Variants in SLC16A3 observed in about 807,000 individuals in gnomAD.
SLC16A3 encodes monocarboxylate transporter 4.
In SLC16A3, 22 loss-of-function variants were observed where a neutral mutation model predicts 25.0. The ratio of observed to expected loss-of-function variants is 0.88; its 90% CI spans 0.63 to 1.26. SLC16A3 has a LOEUF of 1.26. Ranked by LOEUF, SLC16A3 falls within the 50% of genes most tolerant of loss-of-function variation. SLC16A3 has a pLI of 0.00. For synonymous variants in SLC16A3, 390 were observed against 309.2 expected (o/e 1.26, Z -2.74); for missense variants, 731 against 666.6 (o/e 1.10, Z -1.06).
chr17:82,222,572 G>A (rs1365083715), intron 1 of SLC16A3, among the ~76,000 whole-genome samples: 7 of 152,184 alleles, frequency 4.6e-5, no homozygotes, highest in Non-Finnish European at 1.5e-5. Context: ...GGGAGGTCGA[G>A]GCAGGCGCCT....
upstream of SLC16A3, among the ~76,000 whole-genome samples, chr17:82,227,621 CCACCTGCCCTGGGCG>C (rs2050433425): frequency 2.4e-4 from 7 of 29,014 alleles, no homozygotes; most frequent in African/African-American, 3.8e-4. Flanking sequence ...GGCGGGAGCA[CCACCTGCCCTGGGCG>C]GGAGCACCAC....
intron 2 of SLC16A3, 155 bp downstream of exon 2, chr17:82,236,386 A>G (rs1220741374): frequency 4.0e-6 from 3 of 741,368 alleles, no homozygotes; most frequent in Non-Finnish European, 6.6e-6. Context: ...GGGCAGCAAC[A>G]TGCTCTCCAC....
At chr17:82,232,453 G>A (rs12453290) in intron 1 of SLC16A3, 103,609 of 152,434 alleles carry the variant, frequency 0.68, 35,993 homozygotes, top group East Asian at 0.93. Flanking sequence ...GAGAGGTCCC[G>A]GAGGAGCGGG....
chr17:82,237,011 CGAGT>C, intron 3 of SLC16A3, 123 bp from the exon 4 acceptor site: 1 of 1,453,388 alleles, frequency 6.9e-7, no homozygotes, highest in Non-Finnish European at 9.2e-7. Context: ...GTCCCCCTCT[CGAGT>C]GGGTGGGTGG....
intron 3 of SLC16A3, 56 bp from the exon 4 acceptor site, chr17:82,237,082 G>C: frequency 6.8e-7 from 1 of 1,464,812 alleles, no homozygotes; most frequent in Non-Finnish European, 9.0e-7. Context: ...CAGAGATGAG[G>C]GTCTCGGGCT....
chr17:82,236,741 G>A lies in SLC16A3; in HGVS notation c.236G>A (p.Ser79Asn). The A allele has an allele frequency of 6.2e-7, 1 of 1,607,194 alleles. No individual in the cohort carries two copies. The highest frequency in any genetic ancestry group is 1.1e-5 in the South Asian group (1 of 91,074). ...CTGCCCTCTCCAGGTCCGCTCTGCA[G>A]TGTGTGCGTGAACCGCTTTGGCTGC... Reference protein sequence around the residue: ...AMLYGTGPLCSVCVNRFGCRP... With the variant: ...AMLYGTGPLCNVCVNRFGCRP... The change falls in exon 3 of 5, where the codon AGT (serine) becomes AAT (asparagine). Residue 79 changes from serine (S) to asparagine (N), a missense_variant. Ser to Asn is a conservative substitution (Grantham distance 46). Transcript: ENST00000582743.
chr17:82,239,729 G>A lies in SLC16A3; in HGVS notation c.*753G>A, dbSNP rs1189914180. On this transcript the variant is annotated 3_prime_UTR_variant, in exon 5 of 5. Transcript: ENST00000582743. ...ACGTGGTGGTTAGATGGGAGCTGAGGTGGAACAAGCCACTTTATTCACTGC... is the reference window on the plus strand; with the variant it reads ...ACGTGGTGGTTAGATGGGAGCTGAGATGGAACAAGCCACTTTATTCACTGC... 2 of 380,916 alleles carry A rather than the reference G, an allele frequency of 5.3e-6. No individual in the cohort carries two copies. Among genetic ancestry groups the A allele is most frequent in the African/African-American group, 4.2e-5 (2 of 48,026 alleles). The allele number at this position is 380,916 out of a possible 1,614,324, so 23.6% of individuals were successfully genotyped here. A position where few individuals can be genotyped will look rare whatever the true frequency, so the allele number is the denominator to read the frequency against.
intron 1 of SLC16A3, 71 bp from the exon 2 acceptor site, chr17:82,235,912 G>A: frequency 9.3e-7 from 1 of 1,073,750 alleles, no homozygotes; most frequent in Non-Finnish European, 1.4e-6. Flanking sequence ...CCCAGCTCGT[G>A]TCCCTCCCCT....
At position 82,239,721 on chromosome 17, in the gene SLC16A3, G is replaced by C. The variant is rs1286805795; in HGVS notation, c.*745G>C. ...GAGCCCCTACGTGGTGGTTAGATGG[G>C]AGCTGAGGTGGAACAAGCCACTTTA... On this transcript the variant is annotated 3_prime_UTR_variant, in exon 5 of 5. Transcript: ENST00000582743. 5 of 375,308 alleles carry C rather than the reference G, an allele frequency of 1.3e-5. No individual in the cohort carries two copies. The highest frequency in any genetic ancestry group is 2.4e-5 in the Non-Finnish European group (5 of 211,644). The allele number at this position is 375,308 out of a possible 1,614,324, so 23.2% of individuals were successfully genotyped here. A position where few individuals can be genotyped will look rare whatever the true frequency, so the allele number is the denominator to read the frequency against.
Position 82,239,436 on chromosome 17 carries a change from C to A in SLC16A3, c.*460C>A. 5.9e-6 allele frequency: 1 copy of A among 170,050 alleles called. No homozygotes were observed. Among genetic ancestry groups the A allele is most frequent in the Non-Finnish European group, 1.2e-5 (1 of 80,404 alleles). The allele number at this position is 170,050 out of a possible 1,614,324, so 10.5% of individuals were successfully genotyped here. On this transcript the variant is annotated 3_prime_UTR_variant, in exon 5 of 5. Transcript: ENST00000582743. ...TGTCTTGGGGACAGCTCTTTCCACCCCTGGAAGATGGAAATAAACCTGCGT... is the reference window on the plus strand; with the variant it reads ...TGTCTTGGGGACAGCTCTTTCCACCACTGGAAGATGGAAATAAACCTGCGT...
At position 82,238,880 on chromosome 17, in the gene SLC16A3, A is replaced by G. The variant is rs752936294; in HGVS notation, c.1302A>G (p.Ala434=). 1.2e-6 allele frequency: 2 copies of G among 1,609,816 alleles called. No individual in the cohort carries two copies. The highest frequency in any genetic ancestry group is 1.7e-6 in the Non-Finnish European group (2 of 1,177,642). ...AGGAGAAGCTCCACAAGCCTCCTGCAGACTCGGGGGTGGACTTGCGGGAGG... is the reference window on the plus strand; with the variant it reads ...AGGAGAAGCTCCACAAGCCTCCTGCGGACTCGGGGGTGGACTTGCGGGAGG... ...AEEEKLHKPP[A]DSGVDLREVE... The change falls in exon 5 of 5, where the codon GCA becomes GCG. Residue 434 remains alanine, a synonymous_variant. Coordinates refer to ENST00000582743, the MANE Select transcript of SLC16A3 (RefSeq NM_004207.4).
At chr17:82,219,144 T>C (rs1025288072) in intron 1 of SLC16A3, among the ~76,000 whole-genome samples, 2 of 151,772 alleles carry the variant, frequency 1.3e-5, no homozygotes, top group Non-Finnish European at 2.9e-5. Flanking sequence ...GGCCCATACA[T>C]TGGGCTCAGG....
chr17:82,236,695 A>T, intron 2 of SLC16A3, 34 bp from the exon 3 acceptor site: 1 of 1,588,528 alleles, frequency 6.3e-7, no homozygotes, highest in Non-Finnish European at 8.5e-7. Context: ...AGCTGGCTGC[A>T]GGCCCGGCCC....
At chr17:82,231,440 G>A (rs1360051651) in intron 1 of SLC16A3, 1 of 152,316 alleles carries the variant, frequency 6.6e-6, no homozygotes, top group Non-Finnish European at 1.5e-5. Flanking sequence ...TGGGGTAGGG[G>A]GCGCCTCCTG....
In SLC16A3 at chr17:82,237,712, G is replaced by A. The variant is rs775217540; in HGVS notation, c.942G>A (p.Thr314=). ...GCCTCGCGGACCTGGCGGGTTCTACGGCGGGCGACTACGGCGGCCTCGTGG... is the reference window on the plus strand; with the variant it reads ...GCCTCGCGGACCTGGCGGGTTCTACAGCGGGCGACTACGGCGGCCTCGTGG... ...FNGLADLAGS[T]AGDYGGLVVF... is the part of the protein sequence containing the mutation. Residue 314 remains threonine, a synonymous_variant, in exon 4 of 5, where the codon ACG becomes ACA. Coordinates refer to ENST00000582743, the MANE Select transcript of SLC16A3 (RefSeq NM_004207.4). 1.9e-5 allele frequency: 31 copies of A among 1,612,026 alleles called. No individual in the cohort carries two copies. In the Admixed American group the frequency reaches 2.7e-4, roughly 14 times the overall value.
intron 2 of SLC16A3, 159 bp from the exon 3 acceptor site, chr17:82,236,570 G>A: frequency 9.5e-7 from 1 of 1,047,386 alleles, no homozygotes; most frequent in South Asian, 1.5e-5. Flanking sequence ...TGTCATCATG[G>A]CCTGCGCTCG....
chr17:82,227,091 C>T (rs1430769986), upstream of SLC16A3, among the ~76,000 whole-genome samples: 1 of 152,076 alleles, frequency 6.6e-6, no homozygotes, highest in Admixed American at 6.5e-5. Flanking sequence ...AGTCCTGGGG[C>T]CCACACCCAG....
intron 1 of SLC16A3, chr17:82,229,739 C>G (rs968319248): frequency 6.6e-6 from 1 of 152,308 alleles, no homozygotes; most frequent in South Asian, 2.1e-4. Flanking sequence ...CAGGCGCAGC[C>G]TTTGGTAGCC....
intron 1 of SLC16A3, chr17:82,230,991 T>A (rs916154374): frequency 3.3e-5 from 5 of 152,244 alleles, no homozygotes; most frequent in African/African-American, 9.6e-5. Context: ...GCCCTGTGGC[T>A]TCGAGGCCCC....
Sources: gnomAD v4.1 joint callset for allele counts (sites outside exome capture counted in the v4.1 genomes callset) on GRCh38, gnomAD v4.1.1 for gene constraint, MANE v1.5 for transcripts, NCBI Gene and HGNC (gene_info 2026-07-23, HGNC 2026-07-21) for gene names.